PPM1L: variants seen among roughly 807,000 people sequenced by gnomAD.
PPM1L encodes protein phosphatase, Mg2+/Mn2+ dependent 1L.
Under a neutral mutation model 31.4 loss-of-function variants are expected in PPM1L, and 13 were observed. That is an observed-to-expected ratio of 0.41 (90% CI 0.27 to 0.66). PPM1L has a LOEUF of 0.66. Among genes scored for constraint, PPM1L ranks in the 30% least tolerant of loss-of-function variants. The pLI is 0.29. For synonymous variants in PPM1L, 184 were observed against 175.4 expected (o/e 1.05, Z -0.39); for missense variants, 326 against 453.7 (o/e 0.72, Z 2.56).
chr3:160,797,328 CTG>C (rs1328351515), intron 1 of PPM1L, among the ~76,000 whole-genome samples: 1 of 152,102 alleles, frequency 6.6e-6, no homozygotes, highest in Non-Finnish European at 1.5e-5. Context: ...TTAGTAAATG[CTG>C]TGTGTGTTCT....
chr3:160,861,948 G>A (rs1711906753), intron 1 of PPM1L, among the ~76,000 whole-genome samples: 2 of 152,196 alleles, frequency 1.3e-5, no homozygotes. Context: ...AGACCTCTGT[G>A]CCCACCTAAT....
intron 1 of PPM1L, among the ~76,000 whole-genome samples, chr3:160,829,521 G>A (rs1156437229): frequency 6.6e-6 from 1 of 152,172 alleles, no homozygotes; most frequent in Non-Finnish European, 1.5e-5. Context: ...CTGCCAGAGA[G>A]GGAGGCTCTT....
chr3:160,801,259 G>C (rs541591938), intron 1 of PPM1L, among the ~76,000 whole-genome samples: 1 of 152,124 alleles, frequency 6.6e-6, no homozygotes, highest in South Asian at 2.1e-4. Flanking sequence ...CCAAACATTG[G>C]TGATTTTTAT....
Position 161,071,276 on chromosome 3 carries a change from A to G in PPM1L, c.*2119A>G, listed in dbSNP as rs1317597099. 6.6e-6 allele frequency: 1 copy of G among 152,222 alleles called. No homozygotes were observed. 9.4% of individuals were successfully genotyped at this position (152,222 alleles called of 1,614,324 possible). Reference sequence around the variant, plus strand: ...GTCAGCACTTTACAGCCCATAGCCAACTTTCTTTATTTTTAACGTAGCACA... The same window carrying G: ...GTCAGCACTTTACAGCCCATAGCCAGCTTTCTTTATTTTTAACGTAGCACA... On this transcript the variant is annotated 3_prime_UTR_variant, in exon 4 of 4. Transcript: ENST00000498165.
At chr3:160,881,923 C>T (rs1241869451) in intron 1 of PPM1L, among the ~76,000 whole-genome samples, 2 of 152,026 alleles carry the variant, frequency 1.3e-5, no homozygotes, top group East Asian at 1.9e-4. Flanking sequence ...TGGTAACAGG[C>T]GTCTGTAATC....
chr3:160,802,262 C>T (rs1712451918), intron 1 of PPM1L, among the ~76,000 whole-genome samples: 1 of 152,116 alleles, frequency 6.6e-6, no homozygotes, highest in Non-Finnish European at 1.5e-5. Flanking sequence ...TCCCTGGGTC[C>T]CTAACCCTGG....
At chr3:160,962,623 A>G (rs1716004560) in intron 2 of PPM1L, among the ~76,000 whole-genome samples, 1 of 152,058 alleles carries the variant, frequency 6.6e-6, no homozygotes, top group Non-Finnish European at 1.5e-5. Flanking sequence ...AGTACAGGAA[A>G]AAAGGTTTCT....
chr3:160,871,511 A>G (rs1202893445), intron 1 of PPM1L, among the ~76,000 whole-genome samples: 1 of 152,244 alleles, frequency 6.6e-6, no homozygotes, highest in Non-Finnish European at 1.5e-5. Flanking sequence ...TACTTTAAAA[A>G]TACATGTTTG....
At chr3:160,995,351 C>T (rs903363513) in intron 2 of PPM1L, among the ~76,000 whole-genome samples, 1 of 151,986 alleles carries the variant, frequency 6.6e-6, no homozygotes, top group Non-Finnish European at 1.5e-5. Context: ...GACAGAGTCT[C>T]ACTCTGTCTC....
At chr3:160,834,577 C>G (rs917047835) in intron 1 of PPM1L, among the ~76,000 whole-genome samples, 5 of 151,796 alleles carry the variant, frequency 3.3e-5, no homozygotes, top group Non-Finnish European at 7.4e-5. Context: ...TTCATATCCC[C>G]TATCTTCCTG....
chr3:160,944,848 TAAC>T (rs1559897121), intron 1 of PPM1L, among the ~76,000 whole-genome samples: 1 of 51,684 alleles, frequency 1.9e-5, no homozygotes, highest in African/African-American at 6.8e-5. Flanking sequence ...ATGTTATATA[TAAC>T]ATATATTATA....
rs565742796 is a variant in PPM1L at position 160,787,986 on chromosome 3, A to T, written c.399+31279A>T. On this transcript the variant is annotated intron_variant, in intron 1 of 3. Transcript: ENST00000498165. The stretch of plus-strand genomic sequence containing the variant: ...CCATTGGTCTATGTGTCTGTTTTTG[A>T]ACCAGTACCATGCTGTTTTGGTTAC... Among the ~76,000 whole-genome samples, 32 of 151,984 alleles carry T rather than the reference A, an allele frequency of 2.1e-4. No individual in the cohort carries two copies. The East Asian group carries it at 6.0e-3, about 28-fold the overall frequency.
chr3:160,767,176 GC>G (rs954318119), intron 1 of PPM1L, among the ~76,000 whole-genome samples: 22 of 151,684 alleles, frequency 1.5e-4, no homozygotes, highest in African/African-American at 5.3e-4. Flanking sequence ...CACCATTAGT[GC>G]CCTCCATGTC....
intron 1 of PPM1L, among the ~76,000 whole-genome samples, chr3:160,800,630 A>G (rs1560110150): frequency 6.6e-6 from 1 of 152,070 alleles, no homozygotes; most frequent in Non-Finnish European, 1.5e-5. Flanking sequence ...AGTTGTGGTC[A>G]TTTTTATTTT....
chr3:160,948,975 A>G (rs1364222972), intron 1 of PPM1L, among the ~76,000 whole-genome samples: 2 of 152,170 alleles, frequency 1.3e-5, no homozygotes, highest in Non-Finnish European at 2.9e-5. Flanking sequence ...GCCTGTTAAA[A>G]TACGGCAAAC....
chr3:160,836,912 G>C (rs1015084137), intron 1 of PPM1L, among the ~76,000 whole-genome samples: 1 of 152,100 alleles, frequency 6.6e-6, no homozygotes, highest in African/African-American at 2.4e-5. Flanking sequence ...CCTTCTTAGA[G>C]ACATTAGCTC....
chr3:161,041,580 C>T (rs1480132241), intron 2 of PPM1L, among the ~76,000 whole-genome samples: 4 of 152,188 alleles, frequency 2.6e-5, no homozygotes, highest in African/African-American at 9.7e-5. Flanking sequence ...GAAACCCCAT[C>T]TCTACTAAAA....
intron 2 of PPM1L, among the ~76,000 whole-genome samples, chr3:160,965,520 A>G (rs1467727492): frequency 6.6e-6 from 1 of 152,096 alleles, no homozygotes; most frequent in Non-Finnish European, 1.5e-5. Context: ...TTGTCCAACT[A>G]CAGGCTAATG....
At chr3:160,789,918 GT>G (rs1339910592) in intron 1 of PPM1L, among the ~76,000 whole-genome samples, 5 of 152,024 alleles carry the variant, frequency 3.3e-5, no homozygotes, top group Non-Finnish European at 7.4e-5. Flanking sequence ...CTAATATAAA[GT>G]GGCATAGTAT....
Sources: gnomAD v4.1 joint callset for allele counts (sites outside exome capture counted in the v4.1 genomes callset) on GRCh38, gnomAD v4.1.1 for gene constraint, MANE v1.5 for transcripts, NCBI Gene and HGNC (gene_info 2026-07-23, HGNC 2026-07-21) for gene names.